The following DMXL1 variants were observed in gnomAD, a reference collection of about 807,000 sequenced individuals.
DMXL1 encodes dmX-like protein 1.
In DMXL1, 99 loss-of-function variants were observed where a neutral mutation model predicts 319.2. The ratio of observed to expected loss-of-function variants is 0.31; its 90% CI spans 0.26 to 0.37. The LOEUF is 0.37. Among genes scored for constraint, DMXL1 ranks in the 10% least tolerant of loss-of-function variants. The probability of loss-of-function intolerance (pLI) is 1.00; values close to 1 mark genes in which losing one functional copy is unlikely to be tolerated. For synonymous variants in DMXL1, 1,385 were observed against 1,235.2 expected, an observed-to-expected ratio of 1.12 and a Z score of -2.54; for missense variants, 3,745 against 3,595.6, an observed-to-expected ratio of 1.04 and a Z score of -1.06.
chr5:119,236,099 T>G (rs1179663497), intron 39 of DMXL1, among the ~76,000 whole-genome samples: 1 of 152,098 alleles, frequency 6.6e-6, no homozygotes, highest in Admixed American at 6.6e-5. Context: ...ATAAAACATC[T>G]TAACAGTTTA....
chr5:119,239,304 T>C lies in DMXL1; in HGVS notation c.8651+224T>C, dbSNP rs370274010. Among the ~76,000 whole-genome samples, 58 of 152,314 alleles carry C rather than the reference T, an allele frequency of 3.8e-4. No homozygotes were observed. In the East Asian group the frequency reaches 3.9e-3, roughly 10 times the overall value. On this transcript the variant is annotated intron_variant, in intron 41 of 43. Coordinates refer to ENST00000539542, the MANE Select transcript of DMXL1 (RefSeq NM_001290321.3). ...CCAGTATCTGTCTGCCTCTTTTGAT[T>C]TCTGTTATATAACTGAGTTCTGAGA...
At chr5:119,230,290 T>G (rs1392724916) in intron 38 of DMXL1, among the ~76,000 whole-genome samples, 2 of 152,168 alleles carry the variant, frequency 1.3e-5, no homozygotes, top group African/African-American at 4.8e-5. Context: ...AAACTTAAAT[T>G]TGCTTTCATT....
In DMXL1 at chr5:119,149,799, G is replaced by T. The variant is rs371244741; in HGVS notation, c.3972G>T (p.Gln1324His). 1.9e-6 allele frequency: 3 copies of T among 1,613,950 alleles called. No individual in the cohort carries two copies. The highest frequency in any genetic ancestry group is 1.7e-5 in the Admixed American group (1 of 59,962). The change falls in exon 18 of 44, where the codon CAG becomes CAT. Residue 1324 changes from glutamine (Q) to histidine (H), a missense_variant. By Grantham distance (24) the Gln-to-His change is conservative (BLOSUM62 0). Coordinates refer to ENST00000539542, the MANE Select transcript of DMXL1 (RefSeq NM_001290321.3). ...AAHVLSPTLPQYHPLQLLELM... is the reference protein window; with the variant it reads ...AAHVLSPTLPHYHPLQLLELM... ...ATGTACTTTCCCCGACTCTACCTCA[G>T]TATCATCCCTTGCAGCTTTTGGAAC...
chr5:119,217,857 T>G (rs966301861), intron 35 of DMXL1, among the ~76,000 whole-genome samples: 3 of 152,168 alleles, frequency 2.0e-5, no homozygotes, highest in Non-Finnish European at 4.4e-5. Flanking sequence ...ATGTCTGTCT[T>G]CTCTGAATTC....
intron 1 of DMXL1, among the ~76,000 whole-genome samples, chr5:119,082,022 C>T (rs62374131): frequency 0.2 from 6,931 of 34,160 alleles, 196 homozygotes; most frequent in East Asian, 0.34. Context: ...TATATATATA[C>T]ACACACACAC....
intron 10 of DMXL1, among the ~76,000 whole-genome samples, chr5:119,130,401 G>A (rs1178567729): frequency 5.3e-5 from 8 of 151,824 alleles, no homozygotes; most frequent in African/African-American, 1.5e-4. Context: ...GGAGTGCAGT[G>A]GCACAATCTT....
At chr5:119,124,820 G>C (rs1763145415) in intron 9 of DMXL1, among the ~76,000 whole-genome samples, 1 of 152,052 alleles carries the variant, frequency 6.6e-6, no homozygotes, top group Admixed American at 6.6e-5. Context: ...GCCTGCCTTG[G>C]CCTCCCAAGG....
intron 2 of DMXL1, among the ~76,000 whole-genome samples, chr5:119,100,000 C>T (rs868569177): frequency 6.6e-6 from 1 of 151,990 alleles, no homozygotes; most frequent in African/African-American, 2.4e-5. Context: ...GACCCCATCT[C>T]TACAAAGAAA....
chr5:119,207,339 T>C (rs1781922835), intron 34 of DMXL1, among the ~76,000 whole-genome samples: 1 of 152,120 alleles, frequency 6.6e-6, no homozygotes, highest in South Asian at 2.1e-4. Context: ...TTCCTAAAAA[T>C]ATAGTAAATA....
At chr5:119,234,356 G>A (rs1051033743) in intron 39 of DMXL1, among the ~76,000 whole-genome samples, 13 of 152,004 alleles carry the variant, frequency 8.6e-5, no homozygotes, top group Admixed American at 2.6e-4. Flanking sequence ...TGTCTTCAGG[G>A]CCATGCTGCA....
At position 119,153,224 on chromosome 5, in the gene DMXL1, G is replaced by T. The variant is rs374991449; in HGVS notation, c.4702+1188G>T. Among the ~76,000 whole-genome samples, 146 of 152,250 alleles carry T rather than the reference G, an allele frequency of 9.6e-4. 3 individuals are homozygous for T. The South Asian group carries it at 0.028, about 29-fold the overall frequency. ...ACTCCTGACCTCAAGCAATCCACCT[G>T]CCTCGGCCTCCCAAAGTGCTGGGCA... On this transcript the variant is annotated intron_variant, in intron 19 of 43. Coordinates refer to ENST00000539542, the MANE Select transcript of DMXL1 (RefSeq NM_001290321.3).
intron 13 of DMXL1, among the ~76,000 whole-genome samples, chr5:119,141,953 T>C (rs770153513): frequency 2.6e-5 from 4 of 152,076 alleles, no homozygotes; most frequent in African/African-American, 4.8e-5. Flanking sequence ...AATCCAGATA[T>C]AAGACCACAC....
At chr5:119,242,715 C>G (rs1789056643) in intron 42 of DMXL1, among the ~76,000 whole-genome samples, 1 of 152,096 alleles carries the variant, frequency 6.6e-6, no homozygotes, top group Admixed American at 6.5e-5. Context: ...CACTTATAAG[C>G]TACAGTAATC....
chr5:119,133,421 T>G, intron 11 of DMXL1, 36 bp downstream of exon 11: 1 of 1,593,652 alleles, frequency 6.3e-7, no homozygotes, highest in Middle Eastern at 1.7e-4. Context: ...ACTTCCTTGT[T>G]TATGTGGGTA....
At chr5:119,207,649 G>T (rs575940976) in intron 34 of DMXL1, among the ~76,000 whole-genome samples, 59 of 152,114 alleles carry the variant, frequency 3.9e-4, no homozygotes, top group African/African-American at 1.4e-3. Context: ...CTCCCTAGTA[G>T]CTGGGATTAT....
At chr5:119,219,184 A>T (rs527432814) in intron 35 of DMXL1, among the ~76,000 whole-genome samples, 6 of 152,216 alleles carry the variant, frequency 3.9e-5, no homozygotes, top group Non-Finnish European at 7.4e-5. Context: ...GATGATACCT[A>T]CCTTACCTAC....
At chr5:119,223,192 G>A (rs1270197071) in intron 37 of DMXL1, among the ~76,000 whole-genome samples, 1 of 151,812 alleles carries the variant, frequency 6.6e-6, no homozygotes, top group African/African-American at 2.4e-5. Flanking sequence ...TAGTAGCTGG[G>A]ATTACAGGCA....
At chr5:119,167,301 GAAATA>G (rs1420976304) in intron 22 of DMXL1, among the ~76,000 whole-genome samples, 4 of 152,006 alleles carry the variant, frequency 2.6e-5, no homozygotes, top group African/African-American at 9.7e-5. Flanking sequence ...GTTCAAGACA[GAAATA>G]AAATAATATA....
At chr5:119,084,116 C>T (rs1168899635) in intron 1 of DMXL1, among the ~76,000 whole-genome samples, 1 of 151,520 alleles carries the variant, frequency 6.6e-6, no homozygotes, top group Non-Finnish European at 1.5e-5. Context: ...TCATGTATTC[C>T]CCCCCTCACC....
Sources: allele counts gnomAD v4.1 joint callset (sites outside exome capture counted in the v4.1 genomes callset), GRCh38; gene constraint gnomAD v4.1.1; transcripts MANE v1.5; gene names NCBI Gene and HGNC (gene_info 2026-07-23, HGNC 2026-07-21).